The following KIF23 variants were observed in gnomAD, a reference collection of about 807,000 sequenced individuals.
KIF23 encodes kinesin family member 23, also known as kinesin-like protein KIF23.
A neutral mutation model predicts 137.5 loss-of-function variants in KIF23; 30 were observed. The observed-to-expected ratio is 0.22, with a 90% CI of 0.16 to 0.30. KIF23 has a LOEUF of 0.30. Ranked by LOEUF, KIF23 falls within the 10% of genes least tolerant of loss-of-function variation. The pLI, the probability that KIF23 is intolerant of heterozygous loss-of-function variation, is 1.00. For missense variants in KIF23, 920 were observed against 1,194.3 expected (o/e 0.77, Z 3.38); for synonymous variants, 367 against 391.1 (o/e 0.94, Z 0.73).
chr15:69,435,765 A>G lies in KIF23; in HGVS notation c.1308A>G (p.Glu436=). 2 of 1,613,706 alleles carry G rather than the reference A, an allele frequency of 1.2e-6. No homozygotes were observed. Among genetic ancestry groups the G allele is most frequent in the Non-Finnish European group, 1.7e-6 (2 of 1,179,938 alleles). ...ACCCCAAGGCTGAAGATTATGAAGA[A>G]AACTTGGTAATTTTAATGTATTTGT... ...CVNPKAEDYE[E]NLQVMRFAEV... is the part of the protein sequence containing the mutation. Residue 436 remains glutamate (E), a synonymous_variant, in exon 13 of 24, where the codon GAA becomes GAG. Transcript: ENST00000679126.
intron 16 of KIF23, among the ~76,000 whole-genome samples, chr15:69,439,097 CA>C (rs35730014): frequency 0.055 from 6,053 of 110,532 alleles, 175 homozygotes; most frequent in East Asian, 0.15. Flanking sequence ...GAGCCTGTCT[CA>C]AAAAAAAAAA....
rs2057753386 is a variant in KIF23, at chr15:69,446,954, T to G, written c.2909+13T>G. ...ACGCACAACCCAAGTGAGTACTGACTGTAATTGGGGTCTTGCTGTGTGCTT... is the reference window on the plus strand; with the variant it reads ...ACGCACAACCCAAGTGAGTACTGACGGTAATTGGGGTCTTGCTGTGTGCTT... On this transcript the variant is annotated intron_variant, in intron 23 of 23. Coordinates refer to ENST00000679126, the MANE Select transcript of KIF23 (RefSeq NM_001367805.3). The G allele has an allele frequency of 6.2e-7, 1 of 1,611,178 alleles. No homozygotes were observed. Among genetic ancestry groups the G allele is most frequent in the Non-Finnish European group, 8.5e-7 (1 of 1,177,228 alleles).
chr15:69,416,736 C>T (rs2056920059), intron 2 of KIF23, among the ~76,000 whole-genome samples: 1 of 152,098 alleles, frequency 6.6e-6, no homozygotes, highest in Admixed American at 6.6e-5. Flanking sequence ...GGGTGGATCA[C>T]CTGAGGTCAG....
chr15:69,446,903 CCAGCTGGGACCTGGATAT>C lies in KIF23; in HGVS notation c.2876_2893del (p.Leu959_Gln964del). 6.2e-7 allele frequency: 1 copy of C among 1,614,158 alleles called. No homozygotes were observed. The highest frequency in any genetic ancestry group is 8.5e-7 in the Non-Finnish European group (1 of 1,180,010). Reference sequence around the variant, plus strand: ...TGGCTGTGGAGATGAGAGCAGGATCCCAGCTGGGACCTGGATATCAGCATCACGCACAACCCAAGTGAG... The same window carrying C: ...TGGCTGTGGAGATGAGAGCAGGATCCCAGCATCACGCACAACCCAAGTGAG... On this transcript the variant is annotated inframe_deletion, in exon 23 of 24. Coordinates refer to ENST00000679126, the MANE Select transcript of KIF23 (RefSeq NM_001367805.3).
Position 69,436,163 on chromosome 15 carries a change from C to G in KIF23, c.1340C>G (p.Thr447Ser). ...CAAGTCATGAGATTTGCGGAAGTGA[C>G]TCAAGAAGTTGAAGTAGCAAGACCT... is the stretch of plus-strand genomic sequence containing the variant. ...NLQVMRFAEV[T>S]QEVEVARPVD... The change falls in exon 14 of 24, where the codon ACT (threonine) becomes AGT (serine). Residue 447 changes from threonine to serine, a missense_variant. Physicochemically the swap from Thr to Ser is moderately conservative, Grantham distance 58. This residue lies in a region of KIF23 where 714 missense variants were observed against 866.2 expected (regional missense o/e 0.82). Transcript: ENST00000679126. 1 of 1,613,646 alleles carries G rather than the reference C, an allele frequency of 6.2e-7. No homozygotes were observed. Among genetic ancestry groups the G allele is most frequent in the African/African-American group, 1.3e-5 (1 of 74,940 alleles).
chr15:69,440,848 T>G lies in KIF23; in HGVS notation c.2190T>G (p.Ser730=), dbSNP rs768052639. 1 of 1,614,074 alleles carries G rather than the reference T, an allele frequency of 6.2e-7. No individual in the cohort carries two copies. The highest frequency in any genetic ancestry group is 2.2e-5 in the East Asian group (1 of 44,886). Residue 730 remains serine, a synonymous_variant, in exon 19 of 24, where the codon TCT becomes TCG. Transcript: ENST00000679126. ...CACAGCTACATAGGCGCTCTAACTC[T>G]TGCAGCAGCATTTCTGTAGCTTCCT... ...SQPQLHRRSN[S]CSSISVASCI...
Position 69,436,201 on chromosome 15 carries a change from A to G in KIF23, c.1378A>G (p.Ile460Val), listed in dbSNP as rs1249005084. 2 of 1,613,926 alleles carry G rather than the reference A, an allele frequency of 1.2e-6. No homozygotes were observed. The highest frequency in any genetic ancestry group is 1.7e-6 in the Non-Finnish European group (2 of 1,179,982). Residue 460 changes from isoleucine (I) to valine (V), a missense_variant, in exon 14 of 24, where the codon ATA (isoleucine) becomes GTA (valine). By Grantham distance (29) the Ile-to-Val change is conservative. This residue lies in a region of KIF23 where 714 missense variants were observed against 866.2 expected (regional missense o/e 0.82). Coordinates refer to ENST00000679126, the MANE Select transcript of KIF23 (RefSeq NM_001367805.3). ...AGTAGCAAGACCTGTAGACAAGGCAATATGTGGTTTAACGCCTGGGAGGAG... is the reference window on the plus strand; with the variant it reads ...AGTAGCAAGACCTGTAGACAAGGCAGTATGTGGTTTAACGCCTGGGAGGAG... ...VEVARPVDKA[I>V]CGLTPGRRYR... is the part of the protein sequence containing the mutation.
At chr15:69,445,065 GA>G (rs138256473) in intron 20 of KIF23, 24 bp downstream of exon 20, 1 of 1,583,712 alleles carries the variant, frequency 6.3e-7, no homozygotes, top group East Asian at 2.3e-5. Flanking sequence ...TTTCACAGGA[GA>G]AAAAAATATA....
At chr15:69,422,996 A>C (rs573986660) in intron 6 of KIF23, 163 bp from the exon 7 acceptor site, 2 of 518,480 alleles carry the variant, frequency 3.9e-6, no homozygotes, top group East Asian at 3.8e-5. Flanking sequence ...ACGGGGTTTC[A>C]CCATGTTGGC....
In KIF23 at chr15:69,417,385, A is replaced by G. The variant is rs149437651; in HGVS notation, c.84A>G (p.Val28=). The G allele has an allele frequency of 3.9e-5, 62 of 1,598,048 alleles. 1 individual carries two copies. The African/African-American group carries it at 6.0e-4, about 16-fold the overall frequency. Residue 28 remains valine, a splice_region_variant and synonymous_variant, in exon 3 of 24, where the codon GTA becomes GTG. Transcript: ENST00000679126. ...SQTNLKDPVG[V]YCRVRPLGFP... ...AAAGCACCTTCCTATTTCTTCAGGT[A>G]TACTGTAGGGTGCGCCCACTGGGCT...
rs749413138 is a variant in KIF23, at chr15:69,436,559, T to C, written c.1439-5T>C. 2 of 1,601,854 alleles carry C rather than the reference T, an allele frequency of 1.2e-6. No homozygotes were observed. Among genetic ancestry groups the C allele is most frequent in the Non-Finnish European group, 8.5e-7 (1 of 1,175,032 alleles). On this transcript the variant is annotated splice_polypyrimidine_tract_variant and splice_region_variant and intron_variant, in intron 14 of 23. Coordinates refer to ENST00000679126, the MANE Select transcript of KIF23 (RefSeq NM_001367805.3). ...CTTTTTGTAATTTTCTATAATTCAA[T>C]ACAGAACCATTGGTTACTGACGTGG... is the stretch of plus-strand genomic sequence containing the variant.
intron 3 of KIF23, among the ~76,000 whole-genome samples, chr15:69,420,200 G>C (rs1419158076): frequency 1.3e-5 from 2 of 151,940 alleles, no homozygotes; most frequent in Non-Finnish European, 2.9e-5. Context: ...GGAGGCAGAG[G>C]TTGCAGTGAG....
chr15:69,440,928 C>G lies in KIF23; in HGVS notation c.2270C>G (p.Thr757Arg). Residue 757 changes from threonine (T) to arginine (R), a missense_variant, in exon 19 of 24, where the codon ACA becomes AGA. Around this residue, in one of 4 missense-constraint regions of KIF23, gnomAD observed 714 missense variants for 866.2 expected, o/e 0.82. Transcript: ENST00000679126. ...ACGTACAACACACCTCTCAAAGTCACATCTATTGCAAGGCGTAGGCAGCAG... is the reference window on the plus strand; with the variant it reads ...ACGTACAACACACCTCTCAAAGTCAGATCTATTGCAAGGCGTAGGCAGCAG... Reference protein sequence around the residue: ...IPTYNTPLKVTSIARRRQQEP... With the variant: ...IPTYNTPLKVRSIARRRQQEP... The G allele has an allele frequency of 6.2e-7, 1 of 1,614,162 alleles. No individual in the cohort carries two copies.
chr15:69,445,915 T>A, intron 20 of KIF23, 94 bp from the exon 21 acceptor site: 3 of 916,420 alleles, frequency 3.3e-6, no homozygotes, highest in Non-Finnish European at 3.5e-6. Flanking sequence ...GGAATTTCTA[T>A]AAAATAGAAT....
chr15:69,425,415 C>A, intron 8 of KIF23, 92 bp downstream of exon 8: 3 of 1,125,070 alleles, frequency 2.7e-6, no homozygotes, highest in Non-Finnish European at 3.9e-6. Context: ...AGGTTATTTT[C>A]CATTGTCACT....
intron 7 of KIF23, among the ~76,000 whole-genome samples, chr15:69,423,723 T>TG (rs2057119651): frequency 6.6e-6 from 1 of 152,214 alleles, no homozygotes; most frequent in South Asian, 2.1e-4. Flanking sequence ...TTCTACAGAC[T>TG]GGAGCCTAAA....
chr15:69,436,413 T>C, intron 14 of KIF23, 151 bp from the exon 15 acceptor site: 1 of 1,220,622 alleles, frequency 8.2e-7, no homozygotes, highest in Non-Finnish European at 1.1e-6. Flanking sequence ...GAGCTTATTT[T>C]GCATACTATG....
intron 10 of KIF23, among the ~76,000 whole-genome samples, chr15:69,426,848 G>A (rs1406791774): frequency 6.6e-6 from 1 of 152,126 alleles, no homozygotes; most frequent in Non-Finnish European, 1.5e-5. Flanking sequence ...GAAAATATTC[G>A]AAAATAAAAT....
At chr15:69,436,088 G>A (rs1394673239) in intron 13 of KIF23, 50 bp from the exon 14 acceptor site, 2 of 1,591,438 alleles carry the variant, frequency 1.3e-6, no homozygotes, top group South Asian at 2.3e-5. Context: ...TAATTTCTGG[G>A]ACTTGGATAT....
Sources: allele counts gnomAD v4.1 joint callset (sites outside exome capture counted in the v4.1 genomes callset), GRCh38; gene constraint gnomAD v4.1.1; regional missense constraint gnomAD v4.1.1; transcripts MANE v1.5; gene names NCBI Gene and HGNC (gene_info 2026-07-23, HGNC 2026-07-21).